The following RABGAP1L variants were observed in gnomAD, a reference collection of about 807,000 sequenced individuals.
The protein encoded by RABGAP1L is RAB GTPase activating protein 1 like, also known as rab GTPase-activating protein 1-like.
RABGAP1L carries 63 observed loss-of-function variants against 137.7 expected under a neutral mutation model. The ratio of observed to expected loss-of-function variants is 0.46; its 90% CI spans 0.37 to 0.56. The LOEUF is 0.56. Ranked by LOEUF, RABGAP1L falls within the 20% of genes least tolerant of loss-of-function variation. The pLI, the probability that RABGAP1L is intolerant of heterozygous loss-of-function variation, is 0.00. For missense variants in RABGAP1L, 1,095 were observed against 1,244.0 expected (o/e 0.88, Z 1.80); for synonymous variants, 431 against 433.7 (o/e 0.99, Z 0.08).
intron 13 of RABGAP1L, among the ~76,000 whole-genome samples, chr1:174,419,642 A>G (rs914287257): frequency 6.6e-6 from 1 of 152,240 alleles, no homozygotes; most frequent in Non-Finnish European, 1.5e-5. Flanking sequence ...AAATAGTTAC[A>G]GTTCACTATC....
At chr1:174,617,780 C>T (rs892760001) in intron 13 of RABGAP1L, among the ~76,000 whole-genome samples, 3 of 152,200 alleles carry the variant, frequency 2.0e-5, no homozygotes, top group African/African-American at 4.8e-5. Context: ...CAGTCTACAT[C>T]TCCCAGCGTG....
intron 13 of RABGAP1L, among the ~76,000 whole-genome samples, chr1:174,567,457 A>G (rs1410075002): frequency 6.6e-6 from 1 of 152,172 alleles, no homozygotes; most frequent in Non-Finnish European, 1.5e-5. Flanking sequence ...TGGTTTCATA[A>G]TAAAAGGCTG....
At chr1:174,841,001 G>T (rs867849717) in intron 19 of RABGAP1L, among the ~76,000 whole-genome samples, 5 of 151,982 alleles carry the variant, frequency 3.3e-5, no homozygotes, top group African/African-American at 1.2e-4. Context: ...CAAAGCAACA[G>T]TATAGCATTA....
intron 10 of RABGAP1L, among the ~76,000 whole-genome samples, chr1:174,280,911 G>A (rs755204460): frequency 6.6e-6 from 1 of 152,122 alleles, no homozygotes; most frequent in Non-Finnish European, 1.5e-5. Context: ...GTACAGATGT[G>A]TCTGGAGTTT....
chr1:174,176,741 A>AAAAAAAATAAAAAAAAAT (rs755688394), intron 1 of RABGAP1L, among the ~76,000 whole-genome samples: 1 of 111,778 alleles, frequency 8.9e-6, no homozygotes, highest in East Asian at 2.1e-4. Context: ...AAAAAAAAAA[A>AAAAAAAATAAAAAAAAAT]AAAAAGGTCA....
intron 14 of RABGAP1L, among the ~76,000 whole-genome samples, chr1:174,672,694 T>G (rs569223098): frequency 2.0e-5 from 3 of 152,060 alleles, no homozygotes; most frequent in African/African-American, 7.2e-5. Context: ...TAAATTTTAT[T>G]TATAATTTTT....
At chr1:174,916,504 A>T (rs1660904588) in intron 19 of RABGAP1L, among the ~76,000 whole-genome samples, 1 of 152,226 alleles carries the variant, frequency 6.6e-6, no homozygotes, top group Non-Finnish European at 1.5e-5. Context: ...AAAGGGCCAA[A>T]AGGGAAAATA....
chr1:174,186,855 G>T (rs780605783), intron 1 of RABGAP1L, among the ~76,000 whole-genome samples: 1 of 152,094 alleles, frequency 6.6e-6, no homozygotes, highest in Non-Finnish European at 1.5e-5. Flanking sequence ...AGGCCTTCTG[G>T]CATTCTATAT....
At chr1:174,805,038 A>G (rs961458203) in intron 18 of RABGAP1L, among the ~76,000 whole-genome samples, 1 of 152,182 alleles carries the variant, frequency 6.6e-6, no homozygotes, top group Admixed American at 6.5e-5. Context: ...ACCCCCCAAA[A>G]AATCTAAAAA....
At chr1:174,469,502 A>T (rs879848446) in intron 13 of RABGAP1L, among the ~76,000 whole-genome samples, 2 of 152,180 alleles carry the variant, frequency 1.3e-5, no homozygotes, top group Non-Finnish European at 2.9e-5. Flanking sequence ...AATATCTACA[A>T]TGTGAGTCTC....
intron 15 of RABGAP1L, among the ~76,000 whole-genome samples, chr1:174,691,961 G>A (rs1211884117): frequency 2.0e-5 from 3 of 152,092 alleles, no homozygotes; most frequent in Non-Finnish European, 2.9e-5. Context: ...TGAGGGATAA[G>A]CTGAATAGTC....
chr1:174,980,659 C>G (rs961259561), intron 23 of RABGAP1L, among the ~76,000 whole-genome samples: 3 of 152,148 alleles, frequency 2.0e-5, no homozygotes, highest in Non-Finnish European at 4.4e-5. Context: ...ACGTTAGGGT[C>G]CAGATCAAGG....
At chr1:174,548,328 G>T in intron 13 of RABGAP1L, 1 of 1,178,000 alleles carries the variant, frequency 8.5e-7, no homozygotes, top group Non-Finnish European at 1.1e-6. Flanking sequence ...TAAAATGATA[G>T]TTTTTGTTTT....
chr1:174,183,740 G>A (rs1666575067), intron 1 of RABGAP1L, among the ~76,000 whole-genome samples: 1 of 152,110 alleles, frequency 6.6e-6, no homozygotes. Flanking sequence ...TGGTTTCACT[G>A]CTCTAAAAAT....
At chr1:174,716,877 T>G (rs1681064283) in intron 17 of RABGAP1L, among the ~76,000 whole-genome samples, 1 of 152,200 alleles carries the variant, frequency 6.6e-6, no homozygotes, top group African/African-American at 2.4e-5. Flanking sequence ...CTTAAGGCAC[T>G]TAAAGCACCT....
At chr1:174,293,393 G>A (rs1254676147) in intron 10 of RABGAP1L, among the ~76,000 whole-genome samples, 2 of 152,064 alleles carry the variant, frequency 1.3e-5, no homozygotes, top group Non-Finnish European at 2.9e-5. Flanking sequence ...GGGGTTATTT[G>A]AAAACTGTTT....
At chr1:174,167,898 T>C (rs1665039117) in intron 1 of RABGAP1L, among the ~76,000 whole-genome samples, 1 of 152,146 alleles carries the variant, frequency 6.6e-6, no homozygotes, top group Non-Finnish European at 1.5e-5. Flanking sequence ...GAGCATTGTA[T>C]AAAGGAATAG....
chr1:174,582,772 TTA>T (rs1668840325), intron 13 of RABGAP1L, among the ~76,000 whole-genome samples: 1 of 152,180 alleles, frequency 6.6e-6, no homozygotes, highest in Non-Finnish European at 1.5e-5. Flanking sequence ...ATTGTTAGGT[TTA>T]TAAAAGACAA....
chr1:174,699,207 G>T lies in RABGAP1L; in HGVS notation c.1900-318G>T, dbSNP rs527739827. Among the ~76,000 whole-genome samples, 18 of 152,056 alleles carry T rather than the reference G, an allele frequency of 1.2e-4. No individual in the cohort carries two copies. The South Asian group carries it at 2.7e-3, about 23-fold the overall frequency. ...AGGGTTTTGCCATGTTGGTCAGGCTGGTCTCGAACTCCTGGGCTTAAGTGA... is the reference window on the plus strand; with the variant it reads ...AGGGTTTTGCCATGTTGGTCAGGCTTGTCTCGAACTCCTGGGCTTAAGTGA... On this transcript the variant is annotated intron_variant, in intron 15 of 25. Coordinates refer to ENST00000681986, the MANE Select transcript of RABGAP1L (RefSeq NM_001366446.1).
Sources: allele counts gnomAD v4.1 joint callset (sites outside exome capture counted in the v4.1 genomes callset), GRCh38; gene constraint gnomAD v4.1.1; transcripts MANE v1.5; gene names NCBI Gene and HGNC (gene_info 2026-07-23, HGNC 2026-07-21).